Variants in ATP13A4 observed in about 807,000 individuals in gnomAD.
ATP13A4 encodes ATPase 13A4.
Under a neutral mutation model 142.5 loss-of-function variants are expected in ATP13A4, and 114 were observed. The observed-to-expected ratio is 0.80, with a 90% confidence interval of 0.69 to 0.93. The LOEUF (loss-of-function observed/expected upper bound fraction) is 0.93. Ranked by LOEUF, ATP13A4 falls within the 40% of genes least tolerant of loss-of-function variation. The pLI is 0.00. For missense variants in ATP13A4, 1,392 were observed against 1,454.0 expected, an observed-to-expected ratio of 0.96 and a Z score of 0.69; for synonymous variants, 488 against 514.8, an observed-to-expected ratio of 0.95 and a Z score of 0.70.
chr3:193,484,936 G>A (rs900186214), intron 7 of ATP13A4, among the ~76,000 whole-genome samples: 3 of 152,048 alleles, frequency 2.0e-5, no homozygotes, highest in Non-Finnish European at 4.4e-5. Context: ...TCAATCAGGA[G>A]AAATCTCCCC....
chr3:193,454,420 T>G (rs1304730133), intron 16 of ATP13A4, among the ~76,000 whole-genome samples: 1 of 152,198 alleles, frequency 6.6e-6, no homozygotes, highest in Non-Finnish European at 1.5e-5. Flanking sequence ...AGGAAGCATT[T>G]GAAAAACTTA....
At chr3:193,549,708 C>T (rs1020871882) in intron 1 of ATP13A4, among the ~76,000 whole-genome samples, 4 of 151,944 alleles carry the variant, frequency 2.6e-5, no homozygotes, top group Non-Finnish European at 5.9e-5. Context: ...GGCATGCGCC[C>T]GTGGTCCCAG....
intron 9 of ATP13A4, among the ~76,000 whole-genome samples, chr3:193,468,974 C>T (rs960095255): frequency 6.6e-6 from 1 of 152,118 alleles, no homozygotes; most frequent in African/African-American, 2.4e-5. Context: ...GTTGAGAAGC[C>T]TTGTAGGCAG....
chr3:193,534,285 T>A (rs549920882), intron 1 of ATP13A4, among the ~76,000 whole-genome samples: 8 of 152,172 alleles, frequency 5.3e-5, no homozygotes, highest in Non-Finnish European at 1.0e-4. Flanking sequence ...TAAATAAGAT[T>A]CAGTTTCATA....
At chr3:193,570,703 C>T (rs1023421277) in intron 2 of ATP13A4, among the ~76,000 whole-genome samples, 3 of 152,152 alleles carry the variant, frequency 2.0e-5, no homozygotes, top group African/African-American at 7.2e-5. Flanking sequence ...AGTGTCATAG[C>T]GGTGAAACCC....
At chr3:193,535,274 T>C (rs1722532969) in intron 1 of ATP13A4, among the ~76,000 whole-genome samples, 2 of 152,176 alleles carry the variant, frequency 1.3e-5, no homozygotes, top group African/African-American at 4.8e-5. Flanking sequence ...AGATGGACCA[T>C]ATCCTGGGCC....
chr3:193,430,756 T>G (rs1351315006), intron 25 of ATP13A4, among the ~76,000 whole-genome samples: 1 of 151,780 alleles, frequency 6.6e-6, no homozygotes, highest in African/African-American at 2.4e-5. Flanking sequence ...TGGGTAGAGG[T>G]GAAGTTGGTG....
intron 2 of ATP13A4, among the ~76,000 whole-genome samples, chr3:193,575,936 T>G (rs1455783574): frequency 6.6e-6 from 1 of 152,178 alleles, no homozygotes; most frequent in Non-Finnish European, 1.5e-5. Flanking sequence ...GGTAATTTCC[T>G]AAGGCACTTT....
Position 193,442,403 on chromosome 3 carries a change from T to C in ATP13A4, c.2306A>G (p.Tyr769Cys), listed in dbSNP as rs1483103380. The C allele has an allele frequency of 1.9e-6, 3 of 1,613,988 alleles. No homozygotes were observed. Among genetic ancestry groups the C allele is most frequent in the Non-Finnish European group, 1.7e-6 (2 of 1,179,860 alleles). ...TGTGTTCAGGAGTACCTGATTCCCA[T>C]ACATAATGTGTTTCTTCTCTTCTAC... ...TLVEEKKHIM[Y>C]GNQDNYINIR... Residue 769 changes from tyrosine (Y) to cysteine (C), a missense_variant, in exon 19 of 30, where the codon TAT becomes TGT. Physicochemically the swap from Tyr to Cys is radical, Grantham distance 194. Transcript: ENST00000342695.
intron 1 of ATP13A4, among the ~76,000 whole-genome samples, chr3:193,587,798 T>C (rs1364649757): frequency 1.3e-5 from 2 of 152,146 alleles, no homozygotes; most frequent in Non-Finnish European, 2.9e-5. Flanking sequence ...TAAACCATAA[T>C]ATACAAAAAG....
At chr3:193,462,651 T>A in intron 13 of ATP13A4, 111 bp downstream of exon 13, 1 of 1,016,952 alleles carries the variant, frequency 9.8e-7, no homozygotes, top group South Asian at 1.4e-5. Flanking sequence ...GCAATCATTG[T>A]CCACCAAAGC....
At chr3:193,427,028 T>C (rs1051506857) in intron 25 of ATP13A4, among the ~76,000 whole-genome samples, 1 of 151,942 alleles carries the variant, frequency 6.6e-6, no homozygotes, top group African/African-American at 2.4e-5. Flanking sequence ...TGGACATTAT[T>C]TAAAAAGTGA....
intron 9 of ATP13A4, among the ~76,000 whole-genome samples, chr3:193,468,247 A>T (rs952636910): frequency 6.6e-6 from 1 of 152,216 alleles, no homozygotes; most frequent in Non-Finnish European, 1.5e-5. Context: ...AGAGAGATTT[A>T]ACCACTTTAA....
intron 9 of ATP13A4, among the ~76,000 whole-genome samples, chr3:193,470,618 C>G (rs918611571): frequency 5.9e-5 from 9 of 152,090 alleles, no homozygotes; most frequent in South Asian, 2.1e-4. Flanking sequence ...GAAAGAAATA[C>G]TAAACACTCA....
At chr3:193,434,164 A>G (rs1378618195) in intron 24 of ATP13A4, among the ~76,000 whole-genome samples, 1 of 152,094 alleles carries the variant, frequency 6.6e-6, no homozygotes, top group Admixed American at 6.6e-5. Context: ...TTGTTTGTGC[A>G]TCCTTATTAC....
chr3:193,448,559 C>T (rs1255170284), intron 17 of ATP13A4, among the ~76,000 whole-genome samples: 1 of 152,118 alleles, frequency 6.6e-6, no homozygotes, highest in Non-Finnish European at 1.5e-5. Flanking sequence ...TGGTCTTGAA[C>T]TCCTGAATTC....
rs761907557 is a variant in ATP13A4, at chr3:193,414,660, T to C, written c.2933A>G (p.Asn978Ser). ...SPPLLLSVIFNILLSLAMHIA... is the reference protein window; with the variant it reads ...SPPLLLSVIFSILLSLAMHIA... The stretch of plus-strand genomic sequence containing the variant: ...ATGCATGGCCAGGCTGAGAAGAATG[T>C]TGAAAATCACAGAGAGTAGCAGAGG... Residue 978 changes from asparagine to serine, a missense_variant, in exon 26 of 30, where the codon AAC becomes AGC. By Grantham distance (46) the Asn-to-Ser change is conservative. Coordinates refer to ENST00000342695, the MANE Select transcript of ATP13A4 (RefSeq NM_032279.4). 4 of 1,614,156 alleles carry C rather than the reference T, an allele frequency of 2.5e-6. No homozygotes were observed. The highest frequency in any genetic ancestry group is 1.1e-5 in the South Asian group (1 of 91,074).
chr3:193,422,014 A>T (rs1418907780), intron 25 of ATP13A4, among the ~76,000 whole-genome samples: 3 of 149,830 alleles, frequency 2.0e-5, no homozygotes, highest in African/African-American at 4.9e-5. Flanking sequence ...AATAGATTTT[A>T]AAAAACAAGA....
intron 1 of ATP13A4, among the ~76,000 whole-genome samples, chr3:193,584,774 C>T (rs1724636184): frequency 6.6e-6 from 1 of 152,140 alleles, no homozygotes; most frequent in Non-Finnish European, 1.5e-5. Flanking sequence ...TAACCTCTAC[C>T]CACTTCCCAT....
Sources: gnomAD v4.1 joint callset for allele counts (sites outside exome capture counted in the v4.1 genomes callset) on GRCh38, gnomAD v4.1.1 for gene constraint, MANE v1.5 for transcripts, NCBI Gene and HGNC (gene_info 2026-07-23, HGNC 2026-07-21) for gene names.